MYT1L: variants seen among roughly 807,000 people sequenced by gnomAD.
MYT1L encodes myelin transcription factor 1-like protein.
A neutral mutation model predicts 126.7 loss-of-function variants in MYT1L; 12 were observed. The observed-to-expected ratio is 0.09, with a 90% CI of 0.06 to 0.15. The LOEUF is 0.15. Ranked by LOEUF, MYT1L falls within the 10% of genes least tolerant of loss-of-function variation. The pLI, the probability that MYT1L is intolerant of heterozygous loss-of-function variation, is 1.00. For synonymous variants in MYT1L, 541 were observed against 604.2 expected (o/e 0.90, Z 1.53); for missense variants, 979 against 1,585.2 (o/e 0.62, Z 6.49).
intron 1 of MYT1L, among the ~76,000 whole-genome samples, chr2:2,298,774 C>T (rs990316112): frequency 6.6e-6 from 1 of 152,162 alleles, no homozygotes; most frequent in Admixed American, 6.5e-5. Context: ...TGAAGTTAGC[C>T]AGAGCTGCCA....
chr2:2,246,702 T>C (rs1334257146), intron 2 of MYT1L, among the ~76,000 whole-genome samples: 2 of 152,244 alleles, frequency 1.3e-5, no homozygotes, highest in Non-Finnish European at 2.9e-5. Context: ...CATGTGATTC[T>C]GTGTAAGATA....
intron 2 of MYT1L, among the ~76,000 whole-genome samples, chr2:2,244,328 G>C (rs1286597098): frequency 6.6e-6 from 1 of 152,120 alleles, no homozygotes; most frequent in Non-Finnish European, 1.5e-5. Context: ...ACTTTTGCAA[G>C]ATTCTTGGTT....
rs1050512644 is a variant in MYT1L at position 2,178,221 on chromosome 2, G to A, written c.-420-5233C>T. ...ATATGTGTCAATTATTATAAAAAAT[G>A]ACTAATAAATTTAGGTTAGAAATTT... On this transcript the variant is annotated intron_variant, in intron 2 of 24. Transcript: ENST00000647738. Among the ~76,000 whole-genome samples, 4 of 151,978 alleles carry A rather than the reference G, an allele frequency of 2.6e-5. No homozygotes were observed. In the East Asian group the frequency reaches 7.7e-4, roughly 29 times the overall value.
chr2:2,228,467 A>G lies in MYT1L; in HGVS notation c.-420-55479T>C, dbSNP rs1403363824. Among the ~76,000 whole-genome samples the G allele has an allele frequency of 6.6e-6, 1 of 152,242 alleles. No homozygotes were observed. Among genetic ancestry groups the G allele is most frequent in the Non-Finnish European group, 1.5e-5 (1 of 68,040 alleles). ...AATACTGTTATCTAATTAAATAGTTAAGATTTTTGCTGAAATCAGCAAGAC... is the reference window on the plus strand; with the variant it reads ...AATACTGTTATCTAATTAAATAGTTGAGATTTTTGCTGAAATCAGCAAGAC... On this transcript the variant is annotated intron_variant, in intron 2 of 24. Transcript: ENST00000647738. The surrounding 1 kb of genome is among the most constrained non-coding windows in gnomAD (Gnocchi z 5.9).
At chr2:2,023,067 C>T (rs1005336530) in intron 4 of MYT1L, among the ~76,000 whole-genome samples, 1 of 152,066 alleles carries the variant, frequency 6.6e-6, no homozygotes. Context: ...GGTGTGCTGC[C>T]CACATCTTTG....
chr2:1,839,074 C>A (rs2041278971), intron 21 of MYT1L, 75 bp downstream of exon 21: 5 of 1,321,608 alleles, frequency 3.8e-6, no homozygotes. Context: ...GCACCTGCTG[C>A]CGTCATAACC....
intron 2 of MYT1L, among the ~76,000 whole-genome samples, chr2:2,197,750 T>C (rs896349218): frequency 7.8e-6 from 1 of 127,792 alleles, no homozygotes; most frequent in African/African-American, 3.1e-5. Context: ...TATACACACA[T>C]GCACACACAC....
chr2:1,862,222 T>C (rs1386199455), intron 18 of MYT1L, among the ~76,000 whole-genome samples: 1 of 152,172 alleles, frequency 6.6e-6, no homozygotes, highest in Non-Finnish European at 1.5e-5. Context: ...GTTTCATTTG[T>C]CAAATTTACA....
intron 8 of MYT1L, among the ~76,000 whole-genome samples, chr2:1,958,707 C>T (rs950474799): frequency 6.6e-6 from 1 of 152,196 alleles, no homozygotes; most frequent in Non-Finnish European, 1.5e-5. Flanking sequence ...CTCAGCCGGC[C>T]CACCCGACTG....
At chr2:1,981,529 G>C (rs546406588) in intron 5 of MYT1L, among the ~76,000 whole-genome samples, 13 of 152,338 alleles carry the variant, frequency 8.5e-5, no homozygotes, top group African/African-American at 2.9e-4. Context: ...TGCTGGGAAT[G>C]CTGCAGGTCA....
intron 18 of MYT1L, among the ~76,000 whole-genome samples, chr2:1,863,344 A>T (rs2044970932): frequency 6.6e-6 from 1 of 152,184 alleles, no homozygotes; most frequent in African/African-American, 2.4e-5. Flanking sequence ...CCCATCTGGA[A>T]TCTGTTTCAA....
At chr2:2,102,181 T>A (rs1007403682) in intron 3 of MYT1L, among the ~76,000 whole-genome samples, 2 of 152,150 alleles carry the variant, frequency 1.3e-5, no homozygotes, top group East Asian at 3.9e-4. Flanking sequence ...AGCTTTTTTT[T>A]ATGTAAGAAA....
intron 19 of MYT1L, among the ~76,000 whole-genome samples, chr2:1,843,626 C>T (rs1210376213): frequency 7.2e-5 from 11 of 151,812 alleles, no homozygotes; most frequent in East Asian, 1.9e-4. Flanking sequence ...GGGAGAATTA[C>T]GGTATCCTAC....
chr2:2,268,456 T>C (rs2095187597), intron 2 of MYT1L, among the ~76,000 whole-genome samples: 1 of 152,180 alleles, frequency 6.6e-6, no homozygotes, highest in African/African-American at 2.4e-5. Context: ...TTTCCACATT[T>C]AGACCACAAA....
At chr2:2,107,596 G>A (rs971916352) in intron 3 of MYT1L, among the ~76,000 whole-genome samples, 2 of 151,458 alleles carry the variant, frequency 1.3e-5, no homozygotes, top group African/African-American at 2.4e-5. Context: ...TAATTTTTAC[G>A]GAGTTTTTTT....
At chr2:2,129,513 C>G (rs2082097138) in intron 3 of MYT1L, among the ~76,000 whole-genome samples, 1 of 152,164 alleles carries the variant, frequency 6.6e-6, no homozygotes, top group Non-Finnish European at 1.5e-5. Flanking sequence ...GCAGCTGTCC[C>G]CCCAGAGTGC....
In MYT1L at chr2:2,100,073, A is replaced by G. The variant is rs138100563; in HGVS notation, c.-303-45950T>C. On this transcript the variant is annotated intron_variant, in intron 3 of 24. Coordinates refer to ENST00000647738, the MANE Select transcript of MYT1L (RefSeq NM_001303052.2). ...TTATGTTTTCCTTGTCAATTACCAA[A>G]AGTGTGGCAGGTATATTAAACTTAA... Among the ~76,000 whole-genome samples, 7 of 152,300 alleles carry G rather than the reference A, an allele frequency of 4.6e-5. No individual in the cohort carries two copies. In the East Asian group the frequency reaches 1.2e-3, roughly 25 times the overall value.
chr2:1,859,830 G>C (rs1047541238), intron 18 of MYT1L, among the ~76,000 whole-genome samples: 3 of 152,240 alleles, frequency 2.0e-5, no homozygotes, highest in Non-Finnish European at 2.9e-5. Flanking sequence ...CTGCCCCAGC[G>C]TTGGGGACAG....
intron 1 of MYT1L, chr2:2,325,273 A>C (rs2096231024): frequency 6.6e-6 from 1 of 152,200 alleles, no homozygotes; most frequent in Non-Finnish European, 1.5e-5. Flanking sequence ...TGGTGACACA[A>C]GAGTTAACTC....
Sources: allele counts gnomAD v4.1 joint callset (sites outside exome capture counted in the v4.1 genomes callset), GRCh38; gene constraint gnomAD v4.1.1; non-coding constraint Gnocchi (gnomAD v3.1); transcripts MANE v1.5; gene names NCBI Gene and HGNC (gene_info 2026-07-23, HGNC 2026-07-21).